The following TEX11 variants were observed in gnomAD, a reference collection of about 807,000 sequenced individuals.
TEX11 encodes testis-expressed protein 11.
TEX11 carries 7 observed loss-of-function variants against 84.4 expected under a neutral mutation model. The observed-to-expected ratio is 0.08, with a 90% confidence interval of 0.05 to 0.16. The LOEUF (loss-of-function observed/expected upper bound fraction) is 0.16. Ranked by LOEUF, TEX11 falls within the 10% of genes least tolerant of loss-of-function variation. The pLI is 1.00. For missense variants in TEX11, 551 were observed against 660.5 expected, an observed-to-expected ratio of 0.83 and a Z score of 1.82; for synonymous variants, 264 against 222.8, an observed-to-expected ratio of 1.18 and a Z score of -1.64.
intron 9 of TEX11, among the ~76,000 whole-genome samples, chrX:70,803,553 G>T (rs1251890278): frequency 1.8e-5 from 2 of 111,686 alleles, no homozygotes; most frequent in Non-Finnish European, 3.8e-5. Context: ...ATTGCTCTAG[G>T]CTTCAATTTC....
intron 2 of TEX11, among the ~76,000 whole-genome samples, chrX:70,886,442 G>GGGTA (rs2091709658): frequency 9.0e-6 from 1 of 111,356 alleles, no homozygotes; most frequent in Admixed American, 9.6e-5. Flanking sequence ...TGGGGGAAAG[G>GGGTA]GGTAATAGGG....
At chrX:70,736,253 C>T (rs2090695215) in intron 11 of TEX11, among the ~76,000 whole-genome samples, 1 of 111,269 alleles carries the variant, frequency 9.0e-6, no homozygotes, top group Admixed American at 9.6e-5. Flanking sequence ...ACAACATAGG[C>T]ATACCAAATT....
At chrX:70,537,227 G>T (rs184924331) in intron 28 of TEX11, among the ~76,000 whole-genome samples, 8 of 111,500 alleles carry the variant, frequency 7.2e-5, no homozygotes, top group Non-Finnish European at 1.1e-4. Context: ...GAATGAGGTA[G>T]GTCTAAGTTT....
intron 16 of TEX11, among the ~76,000 whole-genome samples, chrX:70,669,271 T>C (rs1015577366): frequency 8.9e-6 from 1 of 111,873 alleles, no homozygotes; most frequent in Admixed American, 9.6e-5. Context: ...CATCCAGATA[T>C]AGGTCCTTCC....
rs781736889 is a variant in TEX11, at chrX:70,889,001, T to A, written c.38-8892A>T. ...ATCCAGTGAAAATATCCTTCAAATG[T>A]GAAGGAGAAAGACTTTCCCAGACAA... is the stretch of plus-strand genomic sequence containing the variant. On this transcript the variant is annotated intron_variant, in intron 2 of 29. Coordinates refer to ENST00000374333, the MANE Select transcript of TEX11 (RefSeq NM_031276.3). Among the ~76,000 whole-genome samples, 25 of 111,045 alleles carry A rather than the reference T, an allele frequency of 2.3e-4. 1 individual carries two copies. The highest frequency in any genetic ancestry group is 9.6e-5 in the Admixed American group (1 of 10,394).
intron 24 of TEX11, among the ~76,000 whole-genome samples, chrX:70,596,887 A>G: frequency 9.0e-6 from 1 of 111,517 alleles, no homozygotes; most frequent in East Asian, 2.8e-4. Context: ...ACCAAGAACA[A>G]AAAGAGAGAA....
At chrX:70,693,326 G>A (rs2090253018) in intron 13 of TEX11, among the ~76,000 whole-genome samples, 1 of 111,694 alleles carries the variant, frequency 9.0e-6, no homozygotes. Context: ...ATAGGTGTGA[G>A]GTGATATCTC....
chrX:70,780,796 C>T (rs1420629415), intron 9 of TEX11, among the ~76,000 whole-genome samples: 2 of 112,456 alleles, frequency 1.8e-5, no homozygotes, highest in African/African-American at 3.2e-5. Context: ...GTAAACAAAG[C>T]GGCTGGGAAG....
chrX:70,601,744 G>C (rs1477980494), intron 24 of TEX11, among the ~76,000 whole-genome samples: 2 of 96,941 alleles, frequency 2.1e-5, no homozygotes, highest in Non-Finnish European at 4.1e-5. Flanking sequence ...GACTCTTAAC[G>C]AGCATGCTGC....
At chrX:70,651,304 T>C (rs892956178) in intron 17 of TEX11, 146 bp downstream of exon 17, 4 of 341,780 alleles carry the variant, frequency 1.2e-5, no homozygotes, top group African/African-American at 2.6e-5. Context: ...TCTTTTTGCA[T>C]TGTTGTATCA....
intron 7 of TEX11, among the ~76,000 whole-genome samples, chrX:70,841,622 A>C (rs1290983574): frequency 2.7e-5 from 3 of 111,119 alleles, no homozygotes; most frequent in Non-Finnish European, 3.8e-5. Flanking sequence ...GCAAGAAATA[A>C]CTAAAATCAG....
At chrX:70,659,098 A>G (rs2089901091) in intron 16 of TEX11, among the ~76,000 whole-genome samples, 1 of 112,328 alleles carries the variant, frequency 8.9e-6, no homozygotes, top group South Asian at 3.7e-4. Context: ...CTAAAACTAT[A>G]CAAGTCTTAG....
chrX:70,591,794 C>T lies in TEX11; in HGVS notation c.2097G>A (p.Glu699=). 3 of 1,210,040 alleles carry T rather than the reference C, an allele frequency of 2.5e-6. No individual in the cohort carries two copies. Among genetic ancestry groups the T allele is most frequent in the Non-Finnish European group, 2.2e-6 (2 of 894,461 alleles). The change falls in exon 25 of 30, where the codon GAG becomes GAA. Residue 699 remains glutamate, a synonymous_variant. Coordinates refer to ENST00000374333, the MANE Select transcript of TEX11 (RefSeq NM_031276.3). ...TATGGATGTCATTGCATGTCTGGAT[C>T]TCCTCAAGTGCACGACTCAGGAACA... The part of the protein sequence containing the change: ...QTMFLSRALE[E]IQTCNDIHNF...
chrX:70,626,253 A>T (rs1441975411), intron 18 of TEX11, among the ~76,000 whole-genome samples: 2 of 110,880 alleles, frequency 1.8e-5, no homozygotes, highest in Non-Finnish European at 3.8e-5. Context: ...TGAAGCACCT[A>T]GGGTGAAAAA....
chrX:70,530,038 C>T lies in TEX11; in HGVS notation c.2521-39G>A, dbSNP rs944696069. 3.6e-6 allele frequency: 4 copies of T among 1,113,280 alleles called. No homozygotes were observed. In the African/African-American group the frequency reaches 5.4e-5, roughly 15 times the overall value. 91.7% of individuals were successfully genotyped at this position (1,113,280 alleles called of 1,213,427 possible). On this transcript the variant is annotated intron_variant, in intron 28 of 29. Transcript: ENST00000374333. ...ACAGAAATTTTGCAGTTATTACTGT[C>T]ACAGTTCATTGTGGCACTACCTGTA... is the stretch of plus-strand genomic sequence containing the variant.
chrX:70,691,521 T>A (rs2090234576), intron 13 of TEX11, among the ~76,000 whole-genome samples: 1 of 111,431 alleles, frequency 9.0e-6, no homozygotes, highest in African/African-American at 3.3e-5. Flanking sequence ...ACAAAGTGAA[T>A]AAACGCGGAG....
intron 12 of TEX11, chrX:70,724,199 G>C: frequency 6.6e-6 from 5 of 752,970 alleles, no homozygotes; most frequent in Non-Finnish European, 7.8e-6. Context: ...TATTTTAGTT[G>C]GTTAGTTGGT....
At chrX:70,528,841 G>A, downstream of TEX11, 2 of 349,345 alleles carry the variant, frequency 5.7e-6, no homozygotes, top group Admixed American at 5.0e-5. Flanking sequence ...TTGTTCAGAT[G>A]GGGCATAAAC....
Position 70,860,947 on chromosome X carries a change from GTAAT to G in TEX11, c.245-15_245-12del. 1 of 1,109,458 alleles carries G rather than the reference GTAAT, an allele frequency of 9.0e-7. No homozygotes were observed. The allele number at this position is 1,109,458 out of a possible 1,213,427, so 91.4% of individuals were successfully genotyped here. On this transcript the variant is annotated splice_polypyrimidine_tract_variant and intron_variant, in intron 4 of 29. Coordinates refer to ENST00000374333, the MANE Select transcript of TEX11 (RefSeq NM_031276.3). ...AAGCAACATAATGTACTGCAAAACA[GTAAT>G]TAGACAATGATAAACACAAAACATT...
Sources: allele counts gnomAD v4.1 joint callset (sites outside exome capture counted in the v4.1 genomes callset), GRCh38; gene constraint gnomAD v4.1.1; transcripts MANE v1.5; gene names NCBI Gene and HGNC (gene_info 2026-07-23, HGNC 2026-07-21).